Variants in RBFOX1 observed in about 807,000 individuals in gnomAD.
RBFOX1 encodes the protein RNA binding protein fox-1 homolog 1.
Under a neutral mutation model 57.7 loss-of-function variants are expected in RBFOX1, and 8 were observed. The ratio of observed to expected loss-of-function variants is 0.14; its 90% CI spans 0.08 to 0.25. The LOEUF (loss-of-function observed/expected upper bound fraction) is 0.25, where lower values mean the gene tolerates loss of function less well. RBFOX1 is among the 10% of genes least tolerant of loss of function. The probability of loss-of-function intolerance (pLI) is 1.00; values close to 1 mark genes in which losing one functional copy is unlikely to be tolerated. For missense variants in RBFOX1, 611 were observed against 548.5 expected, an observed-to-expected ratio of 1.11 and a Z score of -1.14; for synonymous variants, 326 against 222.4, an observed-to-expected ratio of 1.47 and a Z score of -4.15.
intron 4 of RBFOX1, among the ~76,000 whole-genome samples, chr16:5,872,561 C>T (rs1261109553): frequency 3.3e-5 from 5 of 151,446 alleles, no homozygotes; most frequent in African/African-American, 7.3e-5. Flanking sequence ...GAGGAAGAAC[C>T]GAATCTCTAC....
intron 3 of RBFOX1, among the ~76,000 whole-genome samples, chr16:5,792,141 C>G (rs78308044): frequency 0.039 from 5,876 of 152,190 alleles, 368 homozygotes; most frequent in African/African-American, 0.13. Context: ...AGCCCGGGAC[C>G]CCAGTCTAAG....
At chr16:6,008,936 T>C (rs185447906) in intron 4 of RBFOX1, among the ~76,000 whole-genome samples, 37 of 152,276 alleles carry the variant, frequency 2.4e-4, no homozygotes, top group Admixed American at 2.3e-3. Context: ...AGAAATCAAA[T>C]AGACGGATGG....
At chr16:5,653,053 T>C (rs12919134) in intron 3 of RBFOX1, among the ~76,000 whole-genome samples, 21 of 58,982 alleles carry the variant, frequency 3.6e-4, no homozygotes, top group Admixed American at 7.2e-4. Flanking sequence ...GGTGCTGAGC[T>C]GTGTGCTGGG....
At chr16:7,320,401 C>T (rs967159129) in intron 4 of RBFOX1, among the ~76,000 whole-genome samples, 1 of 152,194 alleles carries the variant, frequency 6.6e-6, no homozygotes, top group African/African-American at 2.4e-5. Flanking sequence ...CTGCAAAAGA[C>T]ATGATCTCAT....
intron 3 of RBFOX1, among the ~76,000 whole-genome samples, chr16:5,762,473 C>A (rs755840862): frequency 3.3e-5 from 5 of 152,018 alleles, no homozygotes; most frequent in African/African-American, 1.2e-4. Flanking sequence ...TTTTGTGGGG[C>A]AGTTTGGCAA....
In RBFOX1 at chr16:5,628,989, G is replaced by A. The variant is rs545177304; in HGVS notation, c.318+30028G>A. Among the ~76,000 whole-genome samples the A allele has an allele frequency of 4.6e-5, 7 of 152,320 alleles. No homozygotes were observed. In the East Asian group the frequency reaches 5.8e-4, roughly 13 times the overall value. ...CAAATGTCAACAGAGTAAACTGTGA[G>A]TGCGATTAAATGTCTTTCTAATGAT... On this transcript the variant is annotated intron_variant, in intron 3 of 19. Transcript: ENST00000641259.
intron 13 of RBFOX1, 141 bp from the exon 14 acceptor site, chr16:7,676,633 C>G: frequency 1.5e-6 from 1 of 689,100 alleles, no homozygotes; most frequent in Non-Finnish European, 2.5e-6. Context: ...TTTGTATTTT[C>G]GCTTTGATAC....
chr16:6,896,346 C>T (rs1435000973), intron 3 of RBFOX1, among the ~76,000 whole-genome samples: 1 of 152,200 alleles, frequency 6.6e-6, no homozygotes, highest in Non-Finnish European at 1.5e-5. Flanking sequence ...AAAATTACTA[C>T]TGAGTATAGT....
intron 3 of RBFOX1, among the ~76,000 whole-genome samples, chr16:6,999,836 C>G (rs943454888): frequency 6.6e-6 from 1 of 152,026 alleles, no homozygotes; most frequent in Non-Finnish European, 1.5e-5. Flanking sequence ...TTTTGGGAGG[C>G]TGAGGTGAGC....
chr16:6,988,534 C>A (rs1350488403), intron 3 of RBFOX1, among the ~76,000 whole-genome samples: 2 of 151,510 alleles, frequency 1.3e-5, no homozygotes, highest in African/African-American at 4.8e-5. Context: ...TTTATTTTTT[C>A]TTTTCCCTTT....
chr16:6,966,745 C>G (rs2084258830), intron 3 of RBFOX1, among the ~76,000 whole-genome samples: 2 of 151,002 alleles, frequency 1.3e-5, no homozygotes, highest in Non-Finnish European at 2.9e-5. Flanking sequence ...CTCTGCCTGC[C>G]TCTATCTGTC....
In RBFOX1 at chr16:6,767,935, T is replaced by TAAG. The variant is rs1423679473; in HGVS notation, c.-16+113287_-16+113288insGAA. 4.4e-3 allele frequency among the ~76,000 whole-genome samples: 410 copies of TAAG among 93,154 alleles called. 1 individual carries two copies. Among genetic ancestry groups the TAAG allele is most frequent in the African/African-American group, 0.012 (197 of 16,796 alleles). The allele number at this position is 93,154 out of a possible 152,430, so 61.1% of individuals were successfully genotyped here. On this transcript the variant is annotated intron_variant, in intron 3 of 15. Coordinates refer to ENST00000550418, the MANE Select transcript of RBFOX1 (RefSeq NM_018723.4). ...ATCTCAATAATAATAATAATAATAA[T>TAAG]AATAATAATAATAAGAAGAAGAAGA... is the stretch of plus-strand genomic sequence containing the variant.
intron 12 of RBFOX1, 132 bp from the exon 13 acceptor site, chr16:7,664,797 A>C (rs1336559396): frequency 1.3e-6 from 2 of 1,546,332 alleles, no homozygotes; most frequent in Non-Finnish European, 8.9e-7. Context: ...CCTTAATCCA[A>C]TGTGAAAACG....
At chr16:7,536,934 A>T (rs1381160986) in intron 5 of RBFOX1, among the ~76,000 whole-genome samples, 10 of 152,208 alleles carry the variant, frequency 6.6e-5, no homozygotes, top group Non-Finnish European at 2.9e-5. Context: ...TGACAGGATG[A>T]ATATCAGTGT....
chr16:7,413,763 A>G (rs1210183767), intron 4 of RBFOX1, among the ~76,000 whole-genome samples: 2 of 152,158 alleles, frequency 1.3e-5, no homozygotes, highest in Non-Finnish European at 2.9e-5. Context: ...GTTTAATGAC[A>G]AGAGTATTTT....
chr16:6,758,164 G>T (rs1041560254), intron 3 of RBFOX1, among the ~76,000 whole-genome samples: 1 of 152,160 alleles, frequency 6.6e-6, no homozygotes, highest in Middle Eastern at 3.4e-3. Flanking sequence ...TTCAGGTACT[G>T]TCCTCTTAAT....
intron 4 of RBFOX1, among the ~76,000 whole-genome samples, chr16:5,992,552 G>T (rs1320006346): frequency 6.6e-6 from 1 of 152,208 alleles, no homozygotes; most frequent in Non-Finnish European, 1.5e-5. Flanking sequence ...GTGTGTGCTT[G>T]TGTGTGTGCT....
chr16:5,346,487 G>T (rs959303265), intron 1 of RBFOX1, among the ~76,000 whole-genome samples: 35 of 152,184 alleles, frequency 2.3e-4, no homozygotes, highest in African/African-American at 8.4e-4. Context: ...GAAGGAGAGG[G>T]TGCTTTGCGG....
At chr16:7,156,044 T>C (rs1253793189) in intron 4 of RBFOX1, among the ~76,000 whole-genome samples, 1 of 151,868 alleles carries the variant, frequency 6.6e-6, no homozygotes. Context: ...CACAGGTATA[T>C]AGGTATACAT....
Sources: gnomAD v4.1 joint callset for allele counts (sites outside exome capture counted in the v4.1 genomes callset) on GRCh38, gnomAD v4.1.1 for gene constraint, MANE v1.5 for transcripts, NCBI Gene and HGNC (gene_info 2026-07-23, HGNC 2026-07-21) for gene names.